Variants in NELL2 observed in about 807,000 individuals in gnomAD.
NELL2 encodes the protein protein kinase C-binding protein NELL2.
In NELL2, 41 loss-of-function variants were observed where a neutral mutation model predicts 109.6. That is an observed-to-expected ratio of 0.37 (90% CI 0.29 to 0.49). NELL2 has a LOEUF of 0.49. Among genes scored for constraint, NELL2 ranks in the 20% least tolerant of loss-of-function variants. NELL2 has a pLI of 0.98. For missense variants in NELL2, 900 were observed against 1,008.3 expected (o/e 0.89, Z 1.45); for synonymous variants, 355 against 344.7 (o/e 1.03, Z -0.33).
At chr12:44,533,193 C>T (rs1258233486) in intron 15 of NELL2, among the ~76,000 whole-genome samples, 1 of 152,082 alleles carries the variant, frequency 6.6e-6, no homozygotes, top group African/African-American at 2.4e-5. Flanking sequence ...TAGCCATTTC[C>T]AGAGGCTCTA....
chr12:44,552,927 C>G (rs1266232475), intron 15 of NELL2, among the ~76,000 whole-genome samples: 1 of 152,052 alleles, frequency 6.6e-6, no homozygotes, highest in African/African-American at 2.4e-5. Context: ...ATTATCTACT[C>G]TATTTATCTC....
At chr12:44,866,787 A>C (rs531361579) in intron 2 of NELL2, among the ~76,000 whole-genome samples, 30 of 152,224 alleles carry the variant, frequency 2.0e-4, no homozygotes, top group African/African-American at 6.7e-4. Context: ...GAAATGAAAG[A>C]AGAGACATTA....
chr12:44,696,662 T>G (rs1949071008), intron 12 of NELL2, among the ~76,000 whole-genome samples: 1 of 152,292 alleles, frequency 6.6e-6, no homozygotes, highest in African/African-American at 2.4e-5. Context: ...CATGATTAGA[T>G]TTTCTTATAT....
chr12:44,807,842 T>G (rs910959298), intron 3 of NELL2, among the ~76,000 whole-genome samples: 1 of 151,998 alleles, frequency 6.6e-6, no homozygotes, highest in African/African-American at 2.4e-5. Context: ...AGCACCAAGT[T>G]GGTTTCCAAA....
intron 19 of NELL2, among the ~76,000 whole-genome samples, chr12:44,510,103 C>T (rs1300674379): frequency 6.6e-6 from 1 of 152,132 alleles, no homozygotes; most frequent in African/African-American, 2.4e-5. Flanking sequence ...CTATCCTATT[C>T]TTTTGATTCC....
At chr12:44,577,729 C>T (rs1231785328) in intron 15 of NELL2, among the ~76,000 whole-genome samples, 1 of 152,026 alleles carries the variant, frequency 6.6e-6, no homozygotes, top group African/African-American at 2.4e-5. Flanking sequence ...CCGCCCACCT[C>T]GGCCTCCCAG....
At chr12:44,901,069 T>A (rs975340144) in intron 1 of NELL2, among the ~76,000 whole-genome samples, 1 of 151,890 alleles carries the variant, frequency 6.6e-6, no homozygotes, top group Non-Finnish European at 1.5e-5. Flanking sequence ...TGAAGGAGGA[T>A]AGAGATATGA....
intron 12 of NELL2, among the ~76,000 whole-genome samples, chr12:44,677,601 A>G (rs1210166618): frequency 6.6e-6 from 1 of 152,106 alleles, no homozygotes; most frequent in Non-Finnish European, 1.5e-5. Context: ...ATGGTAGAGG[A>G]TAAATTAGAG....
In NELL2 at chr12:44,616,646, T is replaced by C. The variant is rs145533429; in HGVS notation, c.1445-5676A>G. Among the ~76,000 whole-genome samples the C allele has an allele frequency of 4.6e-5, 7 of 152,292 alleles. No individual in the cohort carries two copies. In the East Asian group the frequency reaches 1.3e-3, roughly 29 times the overall value. On this transcript the variant is annotated intron_variant, in intron 13 of 19. Coordinates refer to ENST00000429094, the MANE Select transcript of NELL2 (RefSeq NM_001145108.2). ...AGGGATGGTTTATCTAAAAAATGTA[T>C]GGCTGCTTAGTCATATTCCTCTAAT...
At chr12:44,651,116 T>C (rs143626999) in intron 13 of NELL2, among the ~76,000 whole-genome samples, 114 of 152,210 alleles carry the variant, frequency 7.5e-4, no homozygotes, top group African/African-American at 2.6e-3. Context: ...GGGATCTAGG[T>C]TGCATGCTCC....
chr12:44,845,199 A>G (rs1195553017), intron 2 of NELL2, among the ~76,000 whole-genome samples: 2 of 152,210 alleles, frequency 1.3e-5, no homozygotes, highest in Non-Finnish European at 2.9e-5. Context: ...TTCCTATTAT[A>G]TTGTTATACA....
chr12:44,876,692 T>C, upstream of NELL2: 1 of 1,550,248 alleles, frequency 6.5e-7, no homozygotes, highest in African/African-American at 1.4e-5. Flanking sequence ...CGAGTAGCGC[T>C]CGCCTGCCCT....
chr12:44,671,946 A>C (rs1051314364), intron 12 of NELL2, among the ~76,000 whole-genome samples: 1 of 152,216 alleles, frequency 6.6e-6, no homozygotes, highest in Admixed American at 6.5e-5. Flanking sequence ...TGGGGATGAA[A>C]GAGCCAATTA....
At chr12:44,769,844 G>A (rs1941477771) in intron 9 of NELL2, among the ~76,000 whole-genome samples, 1 of 152,078 alleles carries the variant, frequency 6.6e-6, no homozygotes, top group African/African-American at 2.4e-5. Flanking sequence ...CTACATTTTT[G>A]ACCCGCATCA....
chr12:44,527,074 C>A (rs773596414), intron 16 of NELL2, among the ~76,000 whole-genome samples: 2 of 152,194 alleles, frequency 1.3e-5, no homozygotes, highest in Non-Finnish European at 2.9e-5. Flanking sequence ...TCTGAGAAGC[C>A]TTCCTTGATG....
chr12:44,709,004 G>C (rs1938043649), intron 11 of NELL2, among the ~76,000 whole-genome samples: 1 of 152,020 alleles, frequency 6.6e-6, no homozygotes, highest in South Asian at 2.1e-4. Context: ...AATAGATGTA[G>C]TTAAGGTTTC....
chr12:44,616,634 C>T (rs1315215515), intron 13 of NELL2, among the ~76,000 whole-genome samples: 3 of 152,124 alleles, frequency 2.0e-5, no homozygotes, highest in Admixed American at 6.5e-5. Context: ...GATGGTTTAT[C>T]TAAAAAATGT....
At chr12:44,684,391 G>T (rs1390888153) in intron 12 of NELL2, among the ~76,000 whole-genome samples, 4 of 151,894 alleles carry the variant, frequency 2.6e-5, no homozygotes, top group African/African-American at 9.7e-5. Flanking sequence ...TTAATTTTTT[G>T]AAGGGTTTTT....
At chr12:44,915,699 T>A (rs1945823714), upstream of NELL2, among the ~76,000 whole-genome samples, 1 of 152,164 alleles carries the variant, frequency 6.6e-6, no homozygotes. Flanking sequence ...GAGCCCAAGG[T>A]CCGGCAACAC....
Sources: allele counts gnomAD v4.1 joint callset (sites outside exome capture counted in the v4.1 genomes callset), GRCh38; gene constraint gnomAD v4.1.1; transcripts MANE v1.5; gene names NCBI Gene and HGNC (gene_info 2026-07-23, HGNC 2026-07-21).